CTNNA3: variants seen among roughly 807,000 people sequenced by gnomAD.
The protein encoded by CTNNA3 is catenin alpha-3.
In CTNNA3, 76 loss-of-function variants were observed where a neutral mutation model predicts 95.7. That is an observed-to-expected ratio of 0.79 (90% confidence interval 0.66 to 0.96). The LOEUF (loss-of-function observed/expected upper bound fraction) is 0.96, where lower values mean the gene tolerates loss of function less well. Among genes scored for constraint, CTNNA3 ranks in the 40% least tolerant of loss-of-function variants. CTNNA3 has a pLI of 0.00. For missense variants in CTNNA3, 1,191 were observed against 1,089.8 expected (o/e 1.09, Z -1.31); for synonymous variants, 431 against 374.4 (o/e 1.15, Z -1.74).
At chr10:66,090,662 A>G (rs10996888) in intron 14 of CTNNA3, among the ~76,000 whole-genome samples, 123 of 152,076 alleles carry the variant, frequency 8.1e-4, no homozygotes, top group African/African-American at 2.6e-3. Context: ...ACGAAGAGAC[A>G]TGTTTGGAGG....
At chr10:66,185,846 G>T (rs1040821816) in intron 13 of CTNNA3, among the ~76,000 whole-genome samples, 1 of 151,742 alleles carries the variant, frequency 6.6e-6, no homozygotes, top group Non-Finnish European at 1.5e-5. Flanking sequence ...ATTTAGATAA[G>T]AACCCAAATA....
At chr10:65,967,937 T>C (rs1178334006) in intron 16 of CTNNA3, among the ~76,000 whole-genome samples, 1 of 152,136 alleles carries the variant, frequency 6.6e-6, no homozygotes, top group East Asian at 1.9e-4. Flanking sequence ...TGTCCCAAAA[T>C]AATGGAAAGA....
At chr10:65,927,328 C>T (rs534173454) in intron 17 of CTNNA3, among the ~76,000 whole-genome samples, 1 of 152,264 alleles carries the variant, frequency 6.6e-6, no homozygotes, top group South Asian at 2.1e-4. Flanking sequence ...TTTGTGGATG[C>T]TTTGTTTATG....
intron 3 of CTNNA3, among the ~76,000 whole-genome samples, chr10:67,579,770 A>G (rs1176177471): frequency 6.6e-6 from 1 of 151,964 alleles, no homozygotes; most frequent in Non-Finnish European, 1.5e-5. Context: ...ATGGTATCTC[A>G]TTGTGGTTTT....
chr10:66,303,248 A>G (rs2091888709), intron 12 of CTNNA3, among the ~76,000 whole-genome samples: 2 of 152,182 alleles, frequency 1.3e-5, no homozygotes, highest in South Asian at 4.1e-4. Context: ...AAATAAAAAA[A>G]TGTACAAACT....
At chr10:67,670,377 C>T (rs1470357510) in intron 1 of CTNNA3, among the ~76,000 whole-genome samples, 2 of 152,098 alleles carry the variant, frequency 1.3e-5, no homozygotes, top group East Asian at 1.9e-4. Context: ...AATATATGTA[C>T]AAAAACAAAA....
At chr10:67,642,300 T>C (rs1025446882) in intron 2 of CTNNA3, among the ~76,000 whole-genome samples, 2 of 151,772 alleles carry the variant, frequency 1.3e-5, no homozygotes, top group Non-Finnish European at 2.9e-5. Flanking sequence ...GGCAAAGGTC[T>C]AATATCCAGA....
chr10:66,259,508 T>A (rs147162890), intron 13 of CTNNA3, among the ~76,000 whole-genome samples: 159 of 152,142 alleles, frequency 1.0e-3, no homozygotes, highest in African/African-American at 3.5e-3. Context: ...AGGCAAAACT[T>A]CTTATCTGAG....
intron 10 of CTNNA3, among the ~76,000 whole-genome samples, chr10:66,569,255 G>A (rs1004676199): frequency 6.6e-6 from 1 of 152,066 alleles, no homozygotes; most frequent in African/African-American, 2.4e-5. Context: ...TCTTAGCTGC[G>A]CCAGCCTTTT....
chr10:67,109,767 T>C (rs1354166167), intron 7 of CTNNA3, among the ~76,000 whole-genome samples: 1 of 152,088 alleles, frequency 6.6e-6, no homozygotes, highest in Admixed American at 6.6e-5. Flanking sequence ...GGGGTGAATC[T>C]GGGAGGCGGA....
chr10:66,719,211 C>G (rs1258357559), intron 9 of CTNNA3, among the ~76,000 whole-genome samples: 1 of 152,098 alleles, frequency 6.6e-6, no homozygotes, highest in Admixed American at 6.6e-5. Flanking sequence ...CCTTCTTGAT[C>G]AGATTCTAAG....
At chr10:66,528,950 A>T (rs2132042766) in intron 10 of CTNNA3, among the ~76,000 whole-genome samples, 1 of 152,258 alleles carries the variant, frequency 6.6e-6, no homozygotes, top group South Asian at 2.1e-4. Context: ...CACATCATTT[A>T]TACAAATGTA....
At chr10:66,299,910 T>C (rs1206854703) in intron 12 of CTNNA3, among the ~76,000 whole-genome samples, 3 of 152,134 alleles carry the variant, frequency 2.0e-5, no homozygotes, top group Non-Finnish European at 4.4e-5. Flanking sequence ...TTTCTTTTTT[T>C]GAGATGGAGT....
chr10:66,400,340 G>T (rs2093010687), intron 11 of CTNNA3, among the ~76,000 whole-genome samples: 1 of 151,958 alleles, frequency 6.6e-6, no homozygotes, highest in East Asian at 1.9e-4. Flanking sequence ...TTTATCATTT[G>T]CTTTTTATGT....
chr10:67,726,511 ATAT>A (rs1841224470), intron 1 of CTNNA3, among the ~76,000 whole-genome samples: 1 of 67,796 alleles, frequency 1.5e-5, no homozygotes, highest in Non-Finnish European at 2.4e-5. Flanking sequence ...AATATATTAT[ATAT>A]TATATTATAT....
chr10:66,749,919 G>A (rs1452281092), intron 9 of CTNNA3, among the ~76,000 whole-genome samples: 1 of 152,194 alleles, frequency 6.6e-6, no homozygotes, highest in Non-Finnish European at 1.5e-5. Context: ...TTTATTAGAT[G>A]TGTAATAGTA....
intron 7 of CTNNA3, among the ~76,000 whole-genome samples, chr10:66,843,139 A>C (rs1442595512): frequency 6.6e-6 from 1 of 152,172 alleles, no homozygotes; most frequent in Non-Finnish European, 1.5e-5. Flanking sequence ...ACAGAAAGCA[A>C]GGAATACAAT....
intron 10 of CTNNA3, among the ~76,000 whole-genome samples, chr10:66,536,591 T>C (rs1841668595): frequency 6.6e-6 from 1 of 151,626 alleles, no homozygotes; most frequent in Admixed American, 6.6e-5. Flanking sequence ...AAGATCATGG[T>C]CAATAGGATC....
intron 17 of CTNNA3, among the ~76,000 whole-genome samples, chr10:65,945,422 A>G (rs905160672): frequency 6.6e-6 from 1 of 152,180 alleles, no homozygotes; most frequent in Non-Finnish European, 1.5e-5. Flanking sequence ...TTCACGAATT[A>G]TAGGAGCAAT....
Sources: gnomAD v4.1 joint callset for allele counts (sites outside exome capture counted in the v4.1 genomes callset) on GRCh38, gnomAD v4.1.1 for gene constraint, MANE v1.5 for transcripts, NCBI Gene and HGNC (gene_info 2026-07-23, HGNC 2026-07-21) for gene names.